Variants in DLGAP2 observed in about 807,000 individuals in gnomAD.
The protein encoded by DLGAP2 is DLG associated protein 2.
Under a neutral mutation model 100.3 loss-of-function variants are expected in DLGAP2, and 26 were observed. That is an observed-to-expected ratio of 0.26 (90% CI 0.19 to 0.36). The LOEUF (loss-of-function observed/expected upper bound fraction) is 0.36. Among genes scored for constraint, DLGAP2 ranks in the 10% least tolerant of loss-of-function variants. The pLI is 1.00. For synonymous variants in DLGAP2, 886 were observed against 630.1 expected, an observed-to-expected ratio of 1.41 and a Z score of -6.08; for missense variants, 1,858 against 1,453.2, an observed-to-expected ratio of 1.28 and a Z score of -4.53.
At chr8:1,435,029 T>TG (rs1797574728) in intron 3 of DLGAP2, among the ~76,000 whole-genome samples, 2 of 152,196 alleles carry the variant, frequency 1.3e-5, no homozygotes, top group African/African-American at 4.8e-5. Context: ...ACTTGAGCTT[T>TG]GCCAACATTT....
intron 4 of DLGAP2, among the ~76,000 whole-genome samples, chr8:1,502,718 A>T (rs919609248): frequency 6.6e-6 from 1 of 152,136 alleles, no homozygotes; most frequent in Admixed American, 6.5e-5. Flanking sequence ...GAGGCTTCCA[A>T]ATGCACGGGA....
chr8:851,971 C>G (rs778867563), intron 1 of DLGAP2, among the ~76,000 whole-genome samples: 1 of 152,180 alleles, frequency 6.6e-6, no homozygotes, highest in Non-Finnish European at 1.5e-5. Context: ...GTGACTTGGT[C>G]AGGGCACTCA....
At chr8:801,473 A>G (rs901501969) in intron 1 of DLGAP2, among the ~76,000 whole-genome samples, 1 of 152,234 alleles carries the variant, frequency 6.6e-6, no homozygotes, top group African/African-American at 2.4e-5. Context: ...GAGCATACGT[A>G]CTTTCAGAGC....
chr8:1,047,126 G>A (rs926008518), intron 2 of DLGAP2, among the ~76,000 whole-genome samples: 5 of 152,124 alleles, frequency 3.3e-5, no homozygotes, highest in Non-Finnish European at 5.9e-5. Flanking sequence ...CCCCTAACTG[G>A]TTGGCAGTCA....
intron 2 of DLGAP2, among the ~76,000 whole-genome samples, chr8:1,232,980 C>T (rs114626398): frequency 6.6e-6 from 1 of 152,204 alleles, no homozygotes; most frequent in African/African-American, 2.4e-5. Flanking sequence ...TACTTCCTGT[C>T]TCTATGAACT....
intron 1 of DLGAP2, among the ~76,000 whole-genome samples, chr8:892,155 A>G (rs1353104212): frequency 6.6e-6 from 1 of 152,174 alleles, no homozygotes; most frequent in African/African-American, 2.4e-5. Context: ...AGATTCATCA[A>G]AAACTCGAGA....
intron 6 of DLGAP2, among the ~76,000 whole-genome samples, chr8:1,605,652 G>A (rs769763658): frequency 1.3e-5 from 2 of 152,012 alleles, no homozygotes; most frequent in African/African-American, 2.4e-5. Context: ...CTGTGATCCC[G>A]CTGATGTTAC....
In DLGAP2 at chr8:1,468,033, G is replaced by C. The variant is rs527598806; in HGVS notation, c.107-33333G>C. Among the ~76,000 whole-genome samples, 5 of 152,374 alleles carry C rather than the reference G, an allele frequency of 3.3e-5. No individual in the cohort carries two copies. In the East Asian group the frequency reaches 7.7e-4, roughly 23 times the overall value. On this transcript the variant is annotated intron_variant, in intron 3 of 14. Coordinates refer to ENST00000637795, the MANE Select transcript of DLGAP2 (RefSeq NM_001346810.2). ...TAAGAGAGAATCTTTGTGCTGCAAAGTGGGGGCGCTGTGGCTTGCATCTTG... is the reference window on the plus strand; with the variant it reads ...TAAGAGAGAATCTTTGTGCTGCAAACTGGGGGCGCTGTGGCTTGCATCTTG...
At chr8:1,118,300 T>C (rs1191336723) in intron 2 of DLGAP2, among the ~76,000 whole-genome samples, 1 of 152,190 alleles carries the variant, frequency 6.6e-6, no homozygotes, top group African/African-American at 2.4e-5. Context: ...CATCTGCAGC[T>C]CTTGACCCCG....
At chr8:1,673,954 A>C (rs1798751027) in intron 10 of DLGAP2, among the ~76,000 whole-genome samples, 1 of 152,174 alleles carries the variant, frequency 6.6e-6, no homozygotes, top group African/African-American at 2.4e-5. Flanking sequence ...GAGTGTCTCT[A>C]TGCTTGTGCA....
rs556622189 is a variant in DLGAP2 at position 1,472,133 on chromosome 8, G to A, written c.107-29233G>A. Among the ~76,000 whole-genome samples, 11 of 152,328 alleles carry A rather than the reference G, an allele frequency of 7.2e-5. No homozygotes were observed. The East Asian group carries it at 1.2e-3, about 16-fold the overall frequency. On this transcript the variant is annotated intron_variant, in intron 3 of 14. Transcript: ENST00000637795. ...ACAAGTGCCCCTCCACAGTGAGAAC[G>A]CAGAGCAGGACATGCAGAGCTCAGA...
In DLGAP2 at chr8:1,173,038, G is replaced by C. The variant is rs369942653; in HGVS notation, c.74-85813G>C. Among the ~76,000 whole-genome samples, 30 of 152,222 alleles carry C rather than the reference G, an allele frequency of 2.0e-4. No homozygotes were observed. The East Asian group carries it at 2.5e-3, about 13-fold the overall frequency. Reference sequence around the variant, plus strand: ...TATCTACTTTTGGTCTTTGATGATGGTGATGTACAGATGGGTTTTTGGTGT... The same window carrying C: ...TATCTACTTTTGGTCTTTGATGATGCTGATGTACAGATGGGTTTTTGGTGT... On this transcript the variant is annotated intron_variant, in intron 2 of 14. Coordinates refer to ENST00000637795, the MANE Select transcript of DLGAP2 (RefSeq NM_001346810.2).
chr8:1,677,561 C>T (rs1332020548), intron 11 of DLGAP2, among the ~76,000 whole-genome samples: 1 of 152,188 alleles, frequency 6.6e-6, no homozygotes, highest in African/African-American at 2.4e-5. Flanking sequence ...ACAGAGCATA[C>T]CCACGTGCAC....
intron 3 of DLGAP2, among the ~76,000 whole-genome samples, chr8:1,261,909 A>G (rs1298261736): frequency 6.6e-6 from 1 of 152,200 alleles, no homozygotes; most frequent in African/African-American, 2.4e-5. Flanking sequence ...GACCAGCCAG[A>G]GGCTGGTGGC....
intron 2 of DLGAP2, among the ~76,000 whole-genome samples, chr8:920,141 G>C (rs1326498561): frequency 1.3e-5 from 2 of 152,198 alleles, no homozygotes; most frequent in Admixed American, 1.3e-4. Flanking sequence ...AGTCCCAGGA[G>C]GGGACACACA....
intron 2 of DLGAP2, among the ~76,000 whole-genome samples, chr8:1,159,108 G>A (rs58574157): frequency 6.6e-6 from 1 of 152,180 alleles, no homozygotes; most frequent in African/African-American, 2.4e-5. Context: ...CGTAGACCTG[G>A]TCATTTGACA....
intron 3 of DLGAP2, among the ~76,000 whole-genome samples, chr8:1,472,546 G>A (rs559149519): frequency 6.6e-6 from 1 of 152,164 alleles, no homozygotes; most frequent in African/African-American, 2.4e-5. Context: ...CAGGGTCTCG[G>A]GCCCGAGTGC....
intron 2 of DLGAP2, among the ~76,000 whole-genome samples, chr8:1,158,033 G>T (rs1307517042): frequency 6.6e-6 from 1 of 152,212 alleles, no homozygotes; most frequent in African/African-American, 2.4e-5. Flanking sequence ...GTTAAATCAT[G>T]GCCCACCCTA....
At chr8:914,250 G>A (rs886095782) in intron 2 of DLGAP2, among the ~76,000 whole-genome samples, 7 of 152,204 alleles carry the variant, frequency 4.6e-5, no homozygotes, top group African/African-American at 1.4e-4. Context: ...AGATGCCCCG[G>A]AGCCTCCCCC....
Sources: allele counts gnomAD v4.1 joint callset (sites outside exome capture counted in the v4.1 genomes callset), GRCh38; gene constraint gnomAD v4.1.1; transcripts MANE v1.5; gene names NCBI Gene and HGNC (gene_info 2026-07-23, HGNC 2026-07-21).